ENOX1: variants seen among roughly 807,000 people sequenced by gnomAD.
The protein encoded by ENOX1 is candidate growth-related and time keeping constitutive hydroquinone (NADH) oxidase.
A neutral mutation model predicts 82.5 loss-of-function variants in ENOX1; 42 were observed. The observed-to-expected ratio is 0.51, with a 90% CI of 0.40 to 0.66. The LOEUF (loss-of-function observed/expected upper bound fraction) is 0.66, where lower values mean the gene tolerates loss of function less well. Among genes scored for constraint, ENOX1 ranks in the 30% least tolerant of loss-of-function variants. ENOX1 has a pLI of 0.00. For synonymous variants in ENOX1, 271 were observed against 282.2 expected (o/e 0.96, Z 0.40); for missense variants, 608 against 811.6 (o/e 0.75, Z 3.05).
chr13:43,622,420 C>T (rs563927202), intron 2 of ENOX1, among the ~76,000 whole-genome samples: 15 of 152,288 alleles, frequency 9.8e-5, no homozygotes, highest in African/African-American at 3.6e-4. Flanking sequence ...TGTTCAGATT[C>T]TTTTGTCTCA....
At chr13:43,259,632 T>C (rs1360063779) in intron 14 of ENOX1, among the ~76,000 whole-genome samples, 1 of 152,138 alleles carries the variant, frequency 6.6e-6, no homozygotes, top group Non-Finnish European at 1.5e-5. Context: ...TGTGCCACTA[T>C]GCCCAGCTAA....
chr13:43,771,307 T>G (rs1951584641), intron 1 of ENOX1, among the ~76,000 whole-genome samples: 1 of 152,040 alleles, frequency 6.6e-6, no homozygotes, highest in Admixed American at 6.5e-5. Context: ...AGATGGTACC[T>G]CCCTGACTGT....
chr13:43,406,247 GAGA>G (rs1484358530), intron 5 of ENOX1, among the ~76,000 whole-genome samples: 1 of 152,166 alleles, frequency 6.6e-6, no homozygotes, highest in East Asian at 1.9e-4. Context: ...GAAGGGGACG[GAGA>G]AGGACTTGCA....
intron 3 of ENOX1, among the ~76,000 whole-genome samples, chr13:43,472,633 T>A (rs1403078846): frequency 2.0e-5 from 3 of 152,164 alleles, no homozygotes; most frequent in African/African-American, 7.2e-5. Flanking sequence ...GCAGCACCCT[T>A]CTCCATCTGG....
chr13:43,233,475 G>A (rs942654964), intron 15 of ENOX1, among the ~76,000 whole-genome samples: 1 of 152,124 alleles, frequency 6.6e-6, no homozygotes, highest in Non-Finnish European at 1.5e-5. Context: ...AAAGACTCTA[G>A]TTTTATACAA....
At chr13:43,712,730 A>T (rs2087816098) in intron 1 of ENOX1, among the ~76,000 whole-genome samples, 1 of 152,200 alleles carries the variant, frequency 6.6e-6, no homozygotes, top group African/African-American at 2.4e-5. Context: ...TTACTGGTGT[A>T]TAAGAATGCT....
intron 12 of ENOX1, among the ~76,000 whole-genome samples, 160 bp downstream of exon 12, chr13:43,298,186 T>G (rs1261182512): frequency 6.6e-6 from 1 of 152,198 alleles, no homozygotes; most frequent in African/African-American, 2.4e-5. Flanking sequence ...GATTCTACCC[T>G]TCCACAAACA....
chr13:43,223,430 T>C (rs1201824145), intron 16 of ENOX1, among the ~76,000 whole-genome samples: 1 of 152,166 alleles, frequency 6.6e-6, no homozygotes, highest in Admixed American at 6.5e-5. Context: ...CTCTTCTCTA[T>C]GGGTACACAA....
At chr13:43,444,050 G>A (rs901162306) in intron 3 of ENOX1, among the ~76,000 whole-genome samples, 2 of 152,190 alleles carry the variant, frequency 1.3e-5, no homozygotes, top group South Asian at 4.1e-4. Flanking sequence ...AAGTGAGAAC[G>A]CTGCAGTAAC....
chr13:43,516,584 A>G (rs972421521), intron 2 of ENOX1, among the ~76,000 whole-genome samples: 1 of 152,158 alleles, frequency 6.6e-6, no homozygotes, highest in African/African-American at 2.4e-5. Context: ...TCTGGGAAAA[A>G]CAAAATTCTT....
In ENOX1 at chr13:43,535,919, C is replaced by T. The variant is rs140208316; in HGVS notation, c.-218-51767G>A. Among the ~76,000 whole-genome samples, 412 of 152,190 alleles carry T rather than the reference C, an allele frequency of 2.7e-3. 2 individuals are homozygous for T. Among genetic ancestry groups the T allele is most frequent in the African/African-American group, 9.3e-3 (388 of 41,526 alleles). On this transcript the variant is annotated intron_variant, in intron 2 of 16. Coordinates refer to ENST00000690772, the MANE Select transcript of ENOX1 (RefSeq NM_001347969.2). ...TTTGTAACTGTAAGAATGACTGCAG[C>T]GTCACATTCACTAGAATAATGGCCT... is the stretch of plus-strand genomic sequence containing the variant.
chr13:43,673,175 G>A (rs10467477), intron 1 of ENOX1, among the ~76,000 whole-genome samples: 3 of 148,844 alleles, frequency 2.0e-5, no homozygotes, highest in South Asian at 4.3e-4. Context: ...TTGCATGTGT[G>A]TATATATATA....
intron 3 of ENOX1, among the ~76,000 whole-genome samples, chr13:43,454,632 C>A (rs1056826904): frequency 1.3e-5 from 2 of 152,098 alleles, no homozygotes; most frequent in African/African-American, 4.8e-5. Context: ...TAAATGGCAA[C>A]TTGGGGTTAA....
At chr13:43,670,325 A>G (rs944395952) in intron 1 of ENOX1, among the ~76,000 whole-genome samples, 1 of 152,206 alleles carries the variant, frequency 6.6e-6, no homozygotes, top group Admixed American at 6.6e-5. Flanking sequence ...AACTGCAGAA[A>G]AGCAATTTGG....
intron 5 of ENOX1, among the ~76,000 whole-genome samples, chr13:43,411,157 C>G (rs1193694924): frequency 6.6e-6 from 1 of 152,178 alleles, no homozygotes; most frequent in Non-Finnish European, 1.5e-5. Flanking sequence ...CTCTACACAT[C>G]ATTTTTATCA....
chr13:43,491,698 T>C (rs1421741280), intron 2 of ENOX1, among the ~76,000 whole-genome samples: 2 of 151,856 alleles, frequency 1.3e-5, no homozygotes, highest in Admixed American at 1.3e-4. Flanking sequence ...ACCCAGGAGG[T>C]GGAGGTTGCA....
intron 2 of ENOX1, among the ~76,000 whole-genome samples, chr13:43,528,311 C>CAT (rs1178074149): frequency 6.6e-6 from 1 of 152,076 alleles, no homozygotes. Flanking sequence ...GTGCCCCCAG[C>CAT]ATATACCCTT....
intron 5 of ENOX1, among the ~76,000 whole-genome samples, chr13:43,375,735 T>C (rs1227434794): frequency 6.6e-6 from 1 of 152,218 alleles, no homozygotes; most frequent in African/African-American, 2.4e-5. Context: ...TGTAAATACA[T>C]ACCCAGGTCA....
chr13:43,586,750 T>C (rs2081005807), intron 2 of ENOX1, among the ~76,000 whole-genome samples: 1 of 152,098 alleles, frequency 6.6e-6, no homozygotes, highest in Admixed American at 6.6e-5. Flanking sequence ...ACTCCTGTGT[T>C]TTCAGTGAGC....
Sources: allele counts gnomAD v4.1 joint callset (sites outside exome capture counted in the v4.1 genomes callset), GRCh38; gene constraint gnomAD v4.1.1; transcripts MANE v1.5; gene names NCBI Gene and HGNC (gene_info 2026-07-23, HGNC 2026-07-21).